Variants in PPFIA1 observed in about 807,000 individuals in gnomAD.
PPFIA1 encodes liprin-alpha-1.
A neutral mutation model predicts 149.9 loss-of-function variants in PPFIA1; 25 were observed. That is an observed-to-expected ratio of 0.17 (90% confidence interval 0.12 to 0.23). PPFIA1 has a LOEUF of 0.23. PPFIA1 is among the 10% of genes least tolerant of loss of function. The pLI, the probability that PPFIA1 is intolerant of heterozygous loss-of-function variation, is 1.00. For synonymous variants in PPFIA1, 549 were observed against 552.8 expected, an observed-to-expected ratio of 0.99 and a Z score of 0.10; for missense variants, 1,362 against 1,506.5, an observed-to-expected ratio of 0.90 and a Z score of 1.59.
intron 9 of PPFIA1, chr11:70,333,041 G>T (rs150714355): frequency 4.4e-6 from 2 of 457,564 alleles, no homozygotes; most frequent in Non-Finnish European, 8.8e-6. Flanking sequence ...TTGTCTTCTG[G>T]GAGCTCTGCT....
intron 16 of PPFIA1, 77 bp from the exon 17 acceptor site, chr11:70,354,224 A>T: frequency 2.1e-6 from 3 of 1,428,390 alleles, no homozygotes; most frequent in Non-Finnish European, 2.9e-6. Flanking sequence ...TTTTCAAAGA[A>T]GTTTATGGCT....
intron 16 of PPFIA1, among the ~76,000 whole-genome samples, chr11:70,353,627 G>A (rs2056195908): frequency 6.6e-6 from 1 of 152,150 alleles, no homozygotes; most frequent in Admixed American, 6.5e-5. Context: ...GTCTGACAAA[G>A]ATCATCTTGT....
chr11:70,344,573 G>T (rs1041417574), intron 15 of PPFIA1, among the ~76,000 whole-genome samples: 4 of 152,232 alleles, frequency 2.6e-5, no homozygotes, highest in African/African-American at 9.6e-5. Flanking sequence ...GCACAGAAGA[G>T]GCTGTGTGTA....
intron 2 of PPFIA1, among the ~76,000 whole-genome samples, chr11:70,282,903 G>T (rs182901562): frequency 3.6e-3 from 508 of 142,424 alleles, no homozygotes; most frequent in Non-Finnish European, 6.2e-3. Flanking sequence ...GCAATGGTGC[G>T]ATCTCAGCTC....
chr11:70,378,305 T>A, intron 26 of PPFIA1, 110 bp downstream of exon 26: 2 of 1,400,112 alleles, frequency 1.4e-6, no homozygotes, highest in Non-Finnish European at 1.9e-6. Context: ...ACAAGGCACT[T>A]GAGTATGGTT....
At chr11:70,301,589 T>G (rs995295617) in intron 2 of PPFIA1, among the ~76,000 whole-genome samples, 4 of 152,250 alleles carry the variant, frequency 2.6e-5, no homozygotes, top group African/African-American at 9.6e-5. Context: ...TTATTGCAGT[T>G]TACATCTTTT....
At chr11:70,280,808 G>A (rs142663788) in intron 2 of PPFIA1, among the ~76,000 whole-genome samples, 66 of 152,238 alleles carry the variant, frequency 4.3e-4, no homozygotes, top group Middle Eastern at 3.4e-3. Context: ...CCTCAAGTGA[G>A]CCTCCTACCT....
At chr11:70,325,468 AC>A in intron 4 of PPFIA1, 31 bp from the exon 5 acceptor site, 1 of 1,454,314 alleles carries the variant, frequency 6.9e-7, no homozygotes, top group Non-Finnish European at 9.7e-7. Flanking sequence ...GTATACACAC[AC>A]ACACACAAAC....
At chr11:70,335,221 A>AT (rs2054898429) in intron 10 of PPFIA1, among the ~76,000 whole-genome samples, 1 of 152,142 alleles carries the variant, frequency 6.6e-6, no homozygotes, top group Non-Finnish European at 1.5e-5. Context: ...ACAAGGGGAA[A>AT]TTCCTCTACC....
chr11:70,308,523 A>T (rs1356562689), intron 2 of PPFIA1, among the ~76,000 whole-genome samples: 2 of 152,204 alleles, frequency 1.3e-5, no homozygotes, highest in African/African-American at 2.4e-5. Flanking sequence ...TACTTGCTCT[A>T]TTGGGAACTT....
At chr11:70,354,604 C>T in intron 17 of PPFIA1, 152 bp downstream of exon 17, 1 of 852,270 alleles carries the variant, frequency 1.2e-6, no homozygotes, top group East Asian at 2.7e-5. Context: ...ACTTAGAATG[C>T]TTACCACTGC....
intron 2 of PPFIA1, among the ~76,000 whole-genome samples, chr11:70,296,702 CGGGAGACCATGGGGAGA>C (rs1435650785): frequency 4.8e-5 from 5 of 103,700 alleles, no homozygotes; most frequent in Non-Finnish European, 9.3e-5. Context: ...CCGTGGGGAG[CGGGAGACCATGGGGAGA>C]GGGAGAGGAG....
At chr11:70,322,305 T>C (rs1282976409) in intron 2 of PPFIA1, among the ~76,000 whole-genome samples, 2 of 152,244 alleles carry the variant, frequency 1.3e-5, no homozygotes, top group East Asian at 3.8e-4. Flanking sequence ...AGCCATTAGA[T>C]GATCTGACAG....
chr11:70,309,026 A>T (rs1565375247), intron 2 of PPFIA1, among the ~76,000 whole-genome samples: 1 of 151,980 alleles, frequency 6.6e-6, no homozygotes, highest in Non-Finnish European at 1.5e-5. Context: ...TGTTGGTTTG[A>T]TTCTGCCCCT....
intron 26 of PPFIA1, chr11:70,381,177 CAG>C (rs2057696490): frequency 6.6e-6 from 1 of 152,096 alleles, no homozygotes; most frequent in Non-Finnish European, 1.5e-5. Flanking sequence ...TCTTAAGAGT[CAG>C]AGGGTTTGTG....
chr11:70,310,619 C>T (rs1047415077), intron 2 of PPFIA1, among the ~76,000 whole-genome samples: 23 of 152,176 alleles, frequency 1.5e-4, no homozygotes, highest in East Asian at 3.9e-4. Context: ...CTCTTGACCC[C>T]GTGATCCGCC....
chr11:70,376,312 A>G (rs984500655), intron 24 of PPFIA1, among the ~76,000 whole-genome samples: 1 of 151,756 alleles, frequency 6.6e-6, no homozygotes, highest in Non-Finnish European at 1.5e-5. Context: ...TTTTTAGTAG[A>G]GACGGGGTTT....
At chr11:70,305,597 C>T (rs1347839225) in intron 2 of PPFIA1, among the ~76,000 whole-genome samples, 1 of 152,130 alleles carries the variant, frequency 6.6e-6, no homozygotes, top group Non-Finnish European at 1.5e-5. Flanking sequence ...TCTCGAACTC[C>T]TGAGGTCAAG....
At chr11:70,278,782 A>G (rs181211778) in intron 2 of PPFIA1, 11 of 343,008 alleles carry the variant, frequency 3.2e-5, no homozygotes, top group African/African-American at 2.0e-4. Context: ...TAAACTTCCA[A>G]CTTGCTCAAG....
Sources: allele counts gnomAD v4.1 joint callset (sites outside exome capture counted in the v4.1 genomes callset), GRCh38; gene constraint gnomAD v4.1.1; transcripts MANE v1.5; gene names NCBI Gene and HGNC (gene_info 2026-07-23, HGNC 2026-07-21).